Variants in CSGALNACT1 observed in about 807,000 individuals in gnomAD.
CSGALNACT1 encodes the protein beta4GalNAcT-1.
CSGALNACT1 carries 52 observed loss-of-function variants against 51.0 expected under a neutral mutation model. The observed-to-expected ratio is 1.02, with a 90% confidence interval of 0.82 to 1.29. The LOEUF (loss-of-function observed/expected upper bound fraction) is 1.29, where lower values mean the gene tolerates loss of function less well. Among genes scored for constraint, CSGALNACT1 ranks in the 50% most tolerant of loss-of-function variants. The pLI, the probability that CSGALNACT1 is intolerant of heterozygous loss-of-function variation, is 0.00. For synonymous variants in CSGALNACT1, 341 were observed against 254.4 expected (o/e 1.34, Z -3.24); for missense variants, 935 against 679.2 (o/e 1.38, Z -4.19).
chr8:19,666,809 A>AAGAAAGAAAGAGAGAGAG (rs1564383214), intron 1 of CSGALNACT1, among the ~76,000 whole-genome samples: 8 of 25,064 alleles, frequency 3.2e-4, no homozygotes, highest in African/African-American at 5.0e-4. Context: ...GAAAGAAAGA[A>AAGAAAGAAAGAGAGAGAG]AGAGAGAGAG....
At chr8:19,546,657 C>G (rs559777461) in intron 3 of CSGALNACT1, among the ~76,000 whole-genome samples, 1 of 152,336 alleles carries the variant, frequency 6.6e-6, no homozygotes, top group South Asian at 2.1e-4. Context: ...TTTCTTCCCC[C>G]TACCCATTCT....
At chr8:19,475,262 T>G (rs1347263216) in intron 4 of CSGALNACT1, among the ~76,000 whole-genome samples, 4 of 151,866 alleles carry the variant, frequency 2.6e-5, no homozygotes, top group Non-Finnish European at 5.9e-5. Context: ...ATAGACCAGG[T>G]AGAGAATGCA....
At chr8:19,718,726 A>G (rs1046606152) in intron 1 of CSGALNACT1, among the ~76,000 whole-genome samples, 4 of 152,096 alleles carry the variant, frequency 2.6e-5, no homozygotes, top group Non-Finnish European at 4.4e-5. Context: ...AATCCACCCA[A>G]ATTGCCTCCC....
intron 1 of CSGALNACT1, among the ~76,000 whole-genome samples, chr8:19,655,579 C>CACATAT (rs377123745): frequency 2.0e-4 from 22 of 111,828 alleles, no homozygotes; most frequent in African/African-American, 6.0e-4. Context: ...CACACACACA[C>CACATAT]ATATATATAT....
chr8:19,647,271 G>A (rs1219538219), intron 1 of CSGALNACT1, among the ~76,000 whole-genome samples: 2 of 152,060 alleles, frequency 1.3e-5, no homozygotes, highest in Non-Finnish European at 2.9e-5. Context: ...GCTACACGAG[G>A]CTACACACAA....
intron 1 of CSGALNACT1, among the ~76,000 whole-genome samples, chr8:19,745,963 G>C (rs539744649): frequency 6.6e-6 from 1 of 152,158 alleles, no homozygotes; most frequent in African/African-American, 2.4e-5. Flanking sequence ...AGGCAATTAC[G>C]ATGGATGAAT....
chr8:19,655,917 T>C (rs1378316889), intron 1 of CSGALNACT1, among the ~76,000 whole-genome samples: 1 of 152,194 alleles, frequency 6.6e-6, no homozygotes, highest in Admixed American at 6.5e-5. Flanking sequence ...GCCACTACTA[T>C]GCTAATTGAA....
chr8:19,581,194 G>C (rs2045489820), intron 3 of CSGALNACT1, among the ~76,000 whole-genome samples: 1 of 152,144 alleles, frequency 6.6e-6, no homozygotes, highest in Non-Finnish European at 1.5e-5. Flanking sequence ...ATACCTAAAA[G>C]CCATCACAGT....
At chr8:19,741,542 G>T (rs534351054) in intron 1 of CSGALNACT1, among the ~76,000 whole-genome samples, 1 of 118,850 alleles carries the variant, frequency 8.4e-6, no homozygotes, top group Non-Finnish European at 1.6e-5. Flanking sequence ...CAGCCTGGGC[G>T]AAAGAGTGAG....
intron 3 of CSGALNACT1, among the ~76,000 whole-genome samples, chr8:19,551,774 C>A (rs777086815): frequency 1.2e-4 from 18 of 152,168 alleles, no homozygotes; most frequent in Admixed American, 5.2e-4. Flanking sequence ...ACATTCTCAC[C>A]CACTAAGCCT....
intron 2 of CSGALNACT1, among the ~76,000 whole-genome samples, chr8:19,598,078 T>A (rs1186252391): frequency 6.6e-6 from 1 of 152,056 alleles, no homozygotes; most frequent in Non-Finnish European, 1.5e-5. Context: ...GCACTGCAGA[T>A]ATGGGACAGC....
chr8:19,660,803 C>T (rs1216737448), intron 1 of CSGALNACT1, among the ~76,000 whole-genome samples: 1 of 152,194 alleles, frequency 6.6e-6, no homozygotes, highest in Non-Finnish European at 1.5e-5. Context: ...TCCAAAAGGA[C>T]ACACTCTCTA....
chr8:19,755,479 A>AAAAAAAAAAAAAAAAAAAAAAAAAAAAAT (rs2065308411), intron 1 of CSGALNACT1, among the ~76,000 whole-genome samples: 1 of 148,082 alleles, frequency 6.8e-6, no homozygotes, highest in East Asian at 1.9e-4. Context: ...AAAAAAAAAA[A>AAAAAAAAAAAAAAAAAAAAAAAAAAAAAT]AAGACAACAT....
rs150080230 is a variant in CSGALNACT1, at chr8:19,508,632, G to T, written c.-296-2502C>A. The stretch of plus-strand genomic sequence containing the variant: ...AAATTACCAGTGAAGACATGTTATC[G>T]TGCTATTCTGCCACTTTCAACACTC... On this transcript the variant is annotated intron_variant, in intron 3 of 9. Transcript: ENST00000454498. Among the ~76,000 whole-genome samples the T allele has an allele frequency of 6.2e-3, 947 of 152,254 alleles. 14 individuals are homozygous for T. The highest frequency in any genetic ancestry group is 0.021 in the African/African-American group (872 of 41,538).
At chr8:19,594,293 G>C (rs2048435656) in intron 2 of CSGALNACT1, among the ~76,000 whole-genome samples, 1 of 152,162 alleles carries the variant, frequency 6.6e-6, no homozygotes, top group African/African-American at 2.4e-5. Flanking sequence ...AATAAGGCAA[G>C]GGAAGTGAGA....
At chr8:19,464,777 C>T (rs2066301185) in intron 4 of CSGALNACT1, among the ~76,000 whole-genome samples, 1 of 152,190 alleles carries the variant, frequency 6.6e-6, no homozygotes, top group Non-Finnish European at 1.5e-5. Context: ...AAACCACCAC[C>T]TTCCCCTTGT....
chr8:19,466,327 A>C (rs910684971), intron 4 of CSGALNACT1, among the ~76,000 whole-genome samples: 4 of 152,164 alleles, frequency 2.6e-5, no homozygotes, highest in Admixed American at 1.3e-4. Context: ...TCTTAGCCAA[A>C]AGGCTGAGAA....
intron 1 of CSGALNACT1, among the ~76,000 whole-genome samples, chr8:19,716,925 T>C (rs548714168): frequency 3.0e-4 from 45 of 152,364 alleles, no homozygotes; most frequent in Non-Finnish European, 6.3e-4. Flanking sequence ...TATAATTATA[T>C]ATGACTAAGG....
intron 5 of CSGALNACT1, among the ~76,000 whole-genome samples, chr8:19,456,228 C>A (rs2064057838): frequency 6.6e-6 from 1 of 152,020 alleles, no homozygotes; most frequent in Non-Finnish European, 1.5e-5. Flanking sequence ...TCATATATAC[C>A]CAAGAGAATC....
Sources: allele counts gnomAD v4.1 joint callset (sites outside exome capture counted in the v4.1 genomes callset), GRCh38; gene constraint gnomAD v4.1.1; transcripts MANE v1.5; gene names NCBI Gene and HGNC (gene_info 2026-07-23, HGNC 2026-07-21).